GNPTAB: variants seen among roughly 807,000 people sequenced by gnomAD.
GNPTAB encodes N-acetylglucosamine-1-phosphate transferase subunits alpha and beta.
Under a neutral mutation model 136.6 loss-of-function variants are expected in GNPTAB, and 92 were observed. The ratio of observed to expected loss-of-function variants is 0.67; its 90% CI spans 0.57 to 0.80. GNPTAB has a LOEUF of 0.80. Ranked by LOEUF, GNPTAB falls within the 30% of genes least tolerant of loss-of-function variation. GNPTAB has a pLI of 0.00. For missense variants in GNPTAB, 1,343 were observed against 1,501.8 expected, an observed-to-expected ratio of 0.89 and a Z score of 1.75; for synonymous variants, 512 against 535.1, an observed-to-expected ratio of 0.96 and a Z score of 0.60.
intron 11 of GNPTAB, among the ~76,000 whole-genome samples, chr12:101,766,514 T>C (rs1443338189): frequency 6.6e-6 from 1 of 152,034 alleles, no homozygotes; most frequent in Non-Finnish European, 1.5e-5. Flanking sequence ...GGTGGGCGCC[T>C]GTAATCCCAA....
At chr12:101,773,305 C>T (rs1352659885) in intron 7 of GNPTAB, 3 of 240,926 alleles carry the variant, frequency 1.2e-5, no homozygotes, top group Non-Finnish European at 2.6e-5. Context: ...GTACTTCACC[C>T]CCCATGCTCT....
intron 10 of GNPTAB, among the ~76,000 whole-genome samples, chr12:101,768,790 C>G (rs1234464327): frequency 6.6e-6 from 1 of 152,146 alleles, no homozygotes; most frequent in African/African-American, 2.4e-5. Context: ...ATTGGAATGT[C>G]TTTTTTAACC....
intron 2 of GNPTAB, among the ~76,000 whole-genome samples, chr12:101,794,221 AC>A (rs1869152420): frequency 6.6e-6 from 1 of 152,258 alleles, no homozygotes; most frequent in African/African-American, 2.4e-5. Context: ...TCTAATATCC[AC>A]ATTTTACAGA....
intron 13 of GNPTAB, among the ~76,000 whole-genome samples, 200 bp downstream of exon 13, chr12:101,764,002 G>C (rs946458635): frequency 1.8e-4 from 28 of 152,128 alleles, no homozygotes; most frequent in Admixed American, 1.4e-3. Flanking sequence ...ACAAAATGGG[G>C]ACAGCAATAA....
rs543877653 is a variant in GNPTAB at position 101,773,671 on chromosome 12, G to C, written c.772-2514C>G. 3 of 152,544 alleles carry C rather than the reference G, an allele frequency of 2.0e-5. No homozygotes were observed. In the East Asian group the frequency reaches 5.8e-4, roughly 29 times the overall value. The allele number at this position is 152,544 out of a possible 1,614,324, so 9.4% of individuals were successfully genotyped here. On this transcript the variant is annotated intron_variant, in intron 7 of 20. Transcript: ENST00000299314. ...ACTATACAATAATTCGGAAAGAGAT[G>C]AAGATTAATGAGGTTAAGGTAATAT...
At chr12:101,769,990 C>T (rs756629078) in intron 10 of GNPTAB, 31 bp downstream of exon 10, 1 of 1,607,142 alleles carries the variant, frequency 6.2e-7, no homozygotes, top group Non-Finnish European at 8.5e-7. Context: ...GACTTCCACG[C>T]TAGACAACCC....
chr12:101,785,853 A>G, intron 5 of GNPTAB, 159 bp downstream of exon 5: 1 of 632,342 alleles, frequency 1.6e-6, no homozygotes, highest in South Asian at 2.0e-5. Flanking sequence ...TTTTGAGGTT[A>G]AGGCCAAAAT....
In GNPTAB at chr12:101,753,330, C is replaced by T. The variant is rs1468896674; in HGVS notation, c.3602+42G>A. ...ACATATAGATACATATGCATGTATA[C>T]ACTCACCCACACACATGCATATATA... On this transcript the variant is annotated intron_variant, in intron 19 of 20. Coordinates refer to ENST00000299314, the MANE Select transcript of GNPTAB (RefSeq NM_024312.5). 5 of 1,406,186 alleles carry T rather than the reference C, an allele frequency of 3.6e-6. No individual in the cohort carries two copies. In the Admixed American group the frequency reaches 5.0e-5, roughly 14 times the overall value. 87.1% of individuals were successfully genotyped at this position (1,406,186 alleles called of 1,614,324 possible).
Position 101,761,149 on chromosome 12 carries a change from T to G in GNPTAB, c.3113A>C (p.His1038Pro). 6.2e-7 allele frequency: 1 copy of G among 1,613,678 alleles called. No homozygotes were observed. The highest frequency in any genetic ancestry group is 8.5e-7 in the Non-Finnish European group (1 of 1,179,536). Residue 1038 changes from histidine (H) to proline (P), a missense_variant, in exon 15 of 21, where the codon CAC becomes CCC. His to Pro is a moderately conservative substitution (Grantham distance 77, BLOSUM62 -2). Coordinates refer to ENST00000299314, the MANE Select transcript of GNPTAB (RefSeq NM_024312.5). ...REIRTLATRI[H>P]ELPLSLQDLT... ...CACCTGCAAACTTAACGGCAGTTCG[T>G]GAATTCTGGTAGCCAGTGTTCGGAT...
Position 101,764,573 on chromosome 12 carries a change from A to C in GNPTAB, c.2344T>G (p.Ser782Ala). ...KSILPNSLGV[S>A]ERLQRLTFPA... Reference sequence around the variant, plus strand: ...AAAGTCAACCTCTGCAATCTTTCAGACACTCCTAAGCTGTTTGGCAAGATG... The same window carrying C: ...AAAGTCAACCTCTGCAATCTTTCAGCCACTCCTAAGCTGTTTGGCAAGATG... Residue 782 changes from serine (S) to alanine (A), a missense_variant, in exon 13 of 21, where the codon TCT becomes GCT. Physicochemically the swap from Ser to Ala is moderately conservative, Grantham distance 99. Transcript: ENST00000299314. The C allele has an allele frequency of 6.2e-7, 1 of 1,613,480 alleles. No homozygotes were observed. Among genetic ancestry groups the C allele is most frequent in the Non-Finnish European group, 8.5e-7 (1 of 1,179,876 alleles).
intron 7 of GNPTAB, chr12:101,779,048 A>T (rs1464403774): frequency 6.8e-6 from 1 of 146,954 alleles, no homozygotes; most frequent in Non-Finnish European, 1.5e-5. Flanking sequence ...AACAAGTTAA[A>T]AGGAATTTGG....
chr12:101,764,640 A>C lies in GNPTAB; in HGVS notation c.2277T>G (p.Asn759Lys). The C allele has an allele frequency of 1.9e-6, 3 of 1,613,988 alleles. No individual in the cohort carries two copies. The highest frequency in any genetic ancestry group is 2.5e-6 in the Non-Finnish European group (3 of 1,179,982). The change falls in exon 13 of 21, where the codon AAT becomes AAG. Residue 759 changes from asparagine (N) to lysine (K), a missense_variant. Transcript: ENST00000299314. ...TTTCCTGTGGAGCCACCAAACTGTCATTTGTTTCATCTGTTATTATAGCTT... is the reference window on the plus strand; with the variant it reads ...TTTCCTGTGGAGCCACCAAACTGTCCTTTGTTTCATCTGTTATTATAGCTT... The part of the protein sequence containing the change: ...KNQAIITDET[N>K]DSLVAPQEKQ...
At position 101,761,643 on chromosome 12, in the gene GNPTAB, A is replaced by G; in HGVS notation, c.2836T>C (p.Phe946Leu). The change falls in exon 14 of 21, where the codon TTT becomes CTT. Residue 946 changes from phenylalanine (F) to leucine (L), a missense_variant. Phe to Leu is a conservative substitution (Grantham distance 22). Transcript: ENST00000299314. ...RYVNKILNSK[F>L]GFTSRKVPAH... ...GGGACTTTCCGCGATGTGAATCCAA[A>G]CTTGCTATTTAGAATTTTATTTACA... 6.2e-7 allele frequency: 1 copy of G among 1,614,140 alleles called. No individual in the cohort carries two copies. The highest frequency in any genetic ancestry group is 8.5e-7 in the Non-Finnish European group (1 of 1,180,000).
intron 1 of GNPTAB, among the ~76,000 whole-genome samples, chr12:101,819,338 C>A (rs1423590788): frequency 6.6e-6 from 1 of 152,036 alleles, no homozygotes. Flanking sequence ...TATAAACTAC[C>A]CAGTCTCGCG....
chr12:101,780,582 C>G lies in GNPTAB; in HGVS notation c.611G>C (p.Arg204Thr), dbSNP rs1441019398. Residue 204 changes from arginine to threonine, a missense_variant, in exon 6 of 21, where the codon AGA becomes ACA. Coordinates refer to ENST00000299314, the MANE Select transcript of GNPTAB (RefSeq NM_024312.5). ...AHSGLLKGNS[R>T]QTVWRGYLTT... ...CAAGTAGCCCCTCCATACTGTCTGT[C>G]TGCTATTTCCTTTAAGCAGTCCAGA... 1 of 1,611,274 alleles carries G rather than the reference C, an allele frequency of 6.2e-7. No individual in the cohort carries two copies. Among genetic ancestry groups the G allele is most frequent in the Non-Finnish European group, 8.5e-7 (1 of 1,177,890 alleles).
chr12:101,826,855 A>C (rs923587032), intron 1 of GNPTAB, among the ~76,000 whole-genome samples: 77 of 151,864 alleles, frequency 5.1e-4, no homozygotes, highest in African/African-American at 1.7e-3. Flanking sequence ...GAGCTAACTA[A>C]TTTACAATAG....
intron 7 of GNPTAB, among the ~76,000 whole-genome samples, chr12:101,774,784 T>A (rs1038806149): frequency 6.6e-6 from 1 of 152,202 alleles, no homozygotes; most frequent in Non-Finnish European, 1.5e-5. Flanking sequence ...TATTTAAAAA[T>A]TGGCTTTAAA....
At chr12:101,824,624 G>A (rs796644501) in intron 1 of GNPTAB, among the ~76,000 whole-genome samples, 3 of 150,666 alleles carry the variant, frequency 2.0e-5, no homozygotes, top group South Asian at 4.2e-4. Flanking sequence ...GCACCACCAC[G>A]CCCAGTTAAT....
In GNPTAB at chr12:101,757,558, C is replaced by T. The variant is rs141927805; in HGVS notation, c.3335+14G>A. On this transcript the variant is annotated intron_variant, in intron 17 of 20. Transcript: ENST00000299314. ...TCTTATACTAAACAAAGGGAGTATG[C>T]GTGTACTACTTACCTATATTTGTTT... 4.0e-4 allele frequency: 490 copies of T among 1,213,996 alleles called. 4 individuals are homozygous for T. The Middle Eastern group carries it at 0.014, about 35-fold the overall frequency. 75.2% of individuals were successfully genotyped at this position (1,213,996 alleles called of 1,614,324 possible).
Sources: gnomAD v4.1 joint callset for allele counts (sites outside exome capture counted in the v4.1 genomes callset) on GRCh38, gnomAD v4.1.1 for gene constraint, MANE v1.5 for transcripts, NCBI Gene and HGNC (gene_info 2026-07-23, HGNC 2026-07-21) for gene names.